The following NOL4 variants were observed in gnomAD, a reference collection of about 807,000 sequenced individuals.
NOL4 encodes cancer/testis antigen 125.
Under a neutral mutation model 75.9 loss-of-function variants are expected in NOL4, and 17 were observed. The observed-to-expected ratio is 0.22, with a 90% CI of 0.15 to 0.34. NOL4 has a LOEUF of 0.34. Ranked by LOEUF, NOL4 falls within the 10% of genes least tolerant of loss-of-function variation. NOL4 has a pLI of 1.00. For synonymous variants in NOL4, 292 were observed against 289.9 expected, an observed-to-expected ratio of 1.01 and a Z score of -0.07; for missense variants, 614 against 793.5, an observed-to-expected ratio of 0.77 and a Z score of 2.72.
At chr18:33,994,757 G>A (rs774319623) in intron 6 of NOL4, among the ~76,000 whole-genome samples, 4 of 151,204 alleles carry the variant, frequency 2.6e-5, no homozygotes, top group Non-Finnish European at 4.4e-5. Context: ...CAAACAAAAC[G>A]TAGTACAAGC....
At chr18:34,103,424 GT>G (rs1361234944) in intron 4 of NOL4, among the ~76,000 whole-genome samples, 1 of 151,944 alleles carries the variant, frequency 6.6e-6, no homozygotes, top group African/African-American at 2.4e-5. Context: ...TAAGAAATAT[GT>G]TTTTAGTGTC....
chr18:33,881,113 T>C (rs1426458486), intron 10 of NOL4, among the ~76,000 whole-genome samples: 2 of 151,882 alleles, frequency 1.3e-5, no homozygotes, highest in African/African-American at 4.8e-5. Flanking sequence ...AGGTATTTTA[T>C]TCTCTTTGAA....
At chr18:34,117,868 A>G (rs2079935753) in intron 2 of NOL4, among the ~76,000 whole-genome samples, 2 of 152,224 alleles carry the variant, frequency 1.3e-5, no homozygotes, top group Admixed American at 1.3e-4. Context: ...AAATAAAGCC[A>G]TCACATAACG....
chr18:33,877,284 T>G (rs904981767), intron 10 of NOL4, among the ~76,000 whole-genome samples: 1 of 151,614 alleles, frequency 6.6e-6, no homozygotes, highest in Non-Finnish European at 1.5e-5. Context: ...TTGGGCAACA[T>G]AGTGATATCC....
chr18:33,968,868 T>C (rs1413401909), intron 6 of NOL4, among the ~76,000 whole-genome samples: 3 of 152,232 alleles, frequency 2.0e-5, no homozygotes, highest in Non-Finnish European at 4.4e-5. Flanking sequence ...GCTCTTTGAC[T>C]GCTTCTTCAT....
intron 5 of NOL4, among the ~76,000 whole-genome samples, chr18:34,025,968 C>G (rs894018171): frequency 2.6e-5 from 4 of 152,190 alleles, no homozygotes; most frequent in Admixed American, 2.6e-4. Flanking sequence ...CAGGACTACT[C>G]ATTGATGTAG....
At chr18:34,130,483 C>T (rs1382824952) in intron 1 of NOL4, among the ~76,000 whole-genome samples, 1 of 151,440 alleles carries the variant, frequency 6.6e-6, no homozygotes, top group Non-Finnish European at 1.5e-5. Context: ...TATTGCATAA[C>T]CTAGGAAAGA....
intron 6 of NOL4, among the ~76,000 whole-genome samples, chr18:33,966,236 G>C (rs979984277): frequency 1.3e-5 from 2 of 152,076 alleles, no homozygotes; most frequent in African/African-American, 2.4e-5. Context: ...ATTTATTTAA[G>C]ATGAGGAGAA....
chr18:34,089,042 C>A (rs73957428), intron 5 of NOL4, among the ~76,000 whole-genome samples: 1 of 151,968 alleles, frequency 6.6e-6, no homozygotes, highest in African/African-American at 2.4e-5. Context: ...TCCAACACAA[C>A]GCACATTTGA....
intron 1 of NOL4, among the ~76,000 whole-genome samples, chr18:34,193,197 C>A (rs2035049031): frequency 6.6e-6 from 1 of 151,968 alleles, no homozygotes. Context: ...TGACATTAGT[C>A]TGGACAATGA....
At chr18:34,144,801 A>T (rs2081331335) in intron 1 of NOL4, among the ~76,000 whole-genome samples, 1 of 152,192 alleles carries the variant, frequency 6.6e-6, no homozygotes, top group Non-Finnish European at 1.5e-5. Context: ...TTACGATAAA[A>T]TCAAAGTGCC....
chr18:34,043,058 A>G (rs1446449290), intron 5 of NOL4, among the ~76,000 whole-genome samples: 1 of 152,070 alleles, frequency 6.6e-6, no homozygotes, highest in Admixed American at 6.6e-5. Context: ...AAATGAGTTC[A>G]TGTTTGCAGA....
At chr18:34,048,028 C>G (rs1401477161) in intron 5 of NOL4, among the ~76,000 whole-genome samples, 2 of 152,112 alleles carry the variant, frequency 1.3e-5, no homozygotes. Context: ...TAGAAAAGGA[C>G]ATTTACAAAC....
intron 6 of NOL4, among the ~76,000 whole-genome samples, chr18:33,973,681 T>A (rs566257837): frequency 6.6e-6 from 1 of 152,314 alleles, no homozygotes; most frequent in African/African-American, 2.4e-5. Context: ...TTAATCTTCT[T>A]GTGTATCTCC....
At chr18:33,953,428 T>C (rs2069393560) in intron 8 of NOL4, among the ~76,000 whole-genome samples, 1 of 151,852 alleles carries the variant, frequency 6.6e-6, no homozygotes, top group Non-Finnish European at 1.5e-5. Context: ...GTTAGGATTA[T>C]GCAAGAGTAC....
intron 1 of NOL4, among the ~76,000 whole-genome samples, chr18:34,154,178 A>G (rs2029900389): frequency 6.6e-6 from 1 of 152,086 alleles, no homozygotes; most frequent in South Asian, 2.1e-4. Flanking sequence ...ACAGGTTAAA[A>G]TCCAACAGGC....
chr18:34,220,961 A>C (rs1489225237), intron 1 of NOL4: 3 of 152,162 alleles, frequency 2.0e-5, no homozygotes, highest in Non-Finnish European at 4.4e-5. Context: ...GACTGAAAAT[A>C]GTGGTATATG....
At chr18:33,974,062 C>T (rs1211806542) in intron 6 of NOL4, among the ~76,000 whole-genome samples, 2 of 152,178 alleles carry the variant, frequency 1.3e-5, no homozygotes, top group Non-Finnish European at 2.9e-5. Context: ...ATCTTGTCTA[C>T]ATTGAAAATC....
At chr18:33,926,624 C>T (rs371134784) in intron 9 of NOL4, among the ~76,000 whole-genome samples, 18 of 152,070 alleles carry the variant, frequency 1.2e-4, no homozygotes, top group African/African-American at 3.4e-4. Flanking sequence ...TTGTTTGAGA[C>T]GGAGTCTCGC....
Sources: allele counts gnomAD v4.1 joint callset (sites outside exome capture counted in the v4.1 genomes callset), GRCh38; gene constraint gnomAD v4.1.1; transcripts MANE v1.5; gene names NCBI Gene and HGNC (gene_info 2026-07-23, HGNC 2026-07-21).